The following CACNA1E variants were observed in gnomAD, a reference collection of about 807,000 sequenced individuals.
CACNA1E encodes calcium voltage-gated channel subunit alpha1 E.
CACNA1E carries 40 observed loss-of-function variants against 259.2 expected under a neutral mutation model. That is an observed-to-expected ratio of 0.15 (90% CI 0.12 to 0.20). CACNA1E has a LOEUF of 0.20. Among genes scored for constraint, CACNA1E ranks in the 10% least tolerant of loss-of-function variants. The pLI is 1.00. For missense variants in CACNA1E, 1,874 were observed against 3,040.1 expected (o/e 0.62, Z 9.02); for synonymous variants, 1,104 against 1,138.5 (o/e 0.97, Z 0.61).
At chr1:181,412,348 G>A (rs569178695) in intron 1 of CACNA1E, among the ~76,000 whole-genome samples, 1 of 152,312 alleles carries the variant, frequency 6.6e-6, no homozygotes, top group African/African-American at 2.4e-5. Flanking sequence ...GAGTGAGGAG[G>A]ATCGCTTGTG....
chr1:181,661,835 A>G (rs768658653), intron 7 of CACNA1E, among the ~76,000 whole-genome samples: 2 of 152,242 alleles, frequency 1.3e-5, no homozygotes, highest in Non-Finnish European at 2.9e-5. Context: ...AACAAAGCTC[A>G]TGAGCAGTAG....
At chr1:181,627,460 G>C (rs773010271) in intron 6 of CACNA1E, among the ~76,000 whole-genome samples, 2 of 152,194 alleles carry the variant, frequency 1.3e-5, no homozygotes, top group Non-Finnish European at 2.9e-5. Context: ...CCTTAGGAGT[G>C]GGGGGAGATA....
chr1:181,478,990 T>C (rs1663050617), upstream of CACNA1E, among the ~76,000 whole-genome samples: 1 of 152,254 alleles, frequency 6.6e-6, no homozygotes, highest in Non-Finnish European at 1.5e-5. Flanking sequence ...GGCTGCAGGA[T>C]AAATGCTTTG....
At chr1:181,581,320 C>G (rs1651519931) in intron 6 of CACNA1E, among the ~76,000 whole-genome samples, 2 of 152,190 alleles carry the variant, frequency 1.3e-5, no homozygotes, top group South Asian at 4.1e-4. Context: ...AGCTTCCTAT[C>G]TGATTCTCAT....
chr1:181,330,443 G>A (rs1346188908), intron 1 of CACNA1E, among the ~76,000 whole-genome samples: 4 of 152,208 alleles, frequency 2.6e-5, no homozygotes, highest in Non-Finnish European at 1.5e-5. Context: ...CTGGGCATAA[G>A]TGGAGGAGAG....
At chr1:181,355,616 CAAAACAAAACAAAA>C (rs1303839841) in intron 1 of CACNA1E, among the ~76,000 whole-genome samples, 2 of 151,754 alleles carry the variant, frequency 1.3e-5, no homozygotes, top group Admixed American at 6.6e-5. Flanking sequence ...CAAAACAAAA[CAAAACAAAACAAAA>C]CAAACCAGAC....
rs540670544 is a variant in CACNA1E, at chr1:181,623,928, C to G, written c.952-27410C>G. Among the ~76,000 whole-genome samples the G allele has an allele frequency of 3.9e-5, 6 of 152,188 alleles. No homozygotes were observed. In the South Asian group the frequency reaches 1.2e-3, roughly 32 times the overall value. On this transcript the variant is annotated intron_variant, in intron 6 of 47. Transcript: ENST00000367573. ...TGTTTTTCTTGCTATAAAAGAATAC[C>G]TGAGGCTGGATATTTTATAAAGAAA...
intron 2 of CACNA1E, among the ~76,000 whole-genome samples, chr1:181,450,583 G>A (rs577783116): frequency 1.3e-5 from 2 of 152,230 alleles, no homozygotes; most frequent in South Asian, 4.2e-4. Context: ...CCGAGATTAT[G>A]GGTGGTTTTT....
chr1:181,430,188 C>T (rs879670980), intron 2 of CACNA1E, among the ~76,000 whole-genome samples: 1 of 152,190 alleles, frequency 6.6e-6, no homozygotes, highest in Non-Finnish European at 1.5e-5. Flanking sequence ...CTTACCAATG[C>T]ACCACAATGT....
intron 2 of CACNA1E, among the ~76,000 whole-genome samples, chr1:181,431,908 C>T (rs1345197451): frequency 6.6e-6 from 1 of 152,164 alleles, no homozygotes; most frequent in Non-Finnish European, 1.5e-5. Flanking sequence ...TTATTTTTCT[C>T]ATTACAGCAA....
At chr1:181,674,037 C>T (rs760592441) in intron 7 of CACNA1E, among the ~76,000 whole-genome samples, 1 of 151,752 alleles carries the variant, frequency 6.6e-6, no homozygotes, top group Non-Finnish European at 1.5e-5. Flanking sequence ...GCTTTTATGA[C>T]CTAAGCAGTT....
chr1:181,522,197 C>G (rs1469026827), intron 3 of CACNA1E, among the ~76,000 whole-genome samples: 1 of 152,132 alleles, frequency 6.6e-6, no homozygotes, highest in Admixed American at 6.5e-5. Flanking sequence ...AACATCAGCC[C>G]TCAACTATAA....
chr1:181,720,464 C>A, intron 14 of CACNA1E, 127 bp downstream of exon 14: 2 of 984,002 alleles, frequency 2.0e-6, no homozygotes, highest in Non-Finnish European at 3.0e-6. Context: ...CCTGAATTAA[C>A]CACTGAGTGA....
At chr1:181,377,348 C>A (rs1255151941) in intron 1 of CACNA1E, among the ~76,000 whole-genome samples, 7 of 151,960 alleles carry the variant, frequency 4.6e-5, no homozygotes, top group African/African-American at 4.8e-5. Context: ...GAGCAAAGGC[C>A]AGAATAAGAA....
chr1:181,735,652 C>A (rs7418539), intron 21 of CACNA1E, among the ~76,000 whole-genome samples: 26,319 of 152,202 alleles, frequency 0.17, 2,450 homozygotes, highest in African/African-American at 0.25. Flanking sequence ...ATGAATATTG[C>A]ATTCTCATTT....
intron 1 of CACNA1E, among the ~76,000 whole-genome samples, chr1:181,505,832 T>C (rs1056343611): frequency 4.6e-5 from 7 of 152,192 alleles, no homozygotes; most frequent in Middle Eastern, 3.4e-3. Context: ...TACCTCTGGC[T>C]CTAGTTTCCC....
At chr1:181,680,362 G>A (rs917963417) in intron 7 of CACNA1E, among the ~76,000 whole-genome samples, 1 of 152,122 alleles carries the variant, frequency 6.6e-6, no homozygotes, top group Non-Finnish European at 1.5e-5. Flanking sequence ...TGATGCATGA[G>A]CCTCCAACCA....
In CACNA1E at chr1:181,777,648, G is replaced by A. The variant is rs184686822; in HGVS notation, c.5267+1420G>A. On this transcript the variant is annotated intron_variant, in intron 38 of 47. Transcript: ENST00000367573. The stretch of plus-strand genomic sequence containing the variant: ...AGCTCCATGGCCTTGGACAAGTCAC[G>A]TAACCACTCTGGGCTTCTTTACCTG... Among the ~76,000 whole-genome samples, 269 of 152,312 alleles carry A rather than the reference G, an allele frequency of 1.8e-3. 6 individuals are homozygous for A. The highest frequency in any genetic ancestry group is 7.5e-3 in the Admixed American group (115 of 15,296).
Position 181,783,766 on chromosome 1 carries a change from G to T in CACNA1E, c.5452G>T (p.Asp1818Tyr). 6.3e-7 allele frequency: 1 copy of T among 1,597,796 alleles called. No homozygotes were observed. The highest frequency in any genetic ancestry group is 8.5e-7 in the Non-Finnish European group (1 of 1,175,502). ...TATGGCTCTGATCCGGACAGCTCTG[G>T]ACATTAAAATTGCCAAAGGTAAGCT... ...TLMALIRTAL[D>Y]IKIAKGGADR... is the part of the protein sequence containing the mutation. The change falls in exon 40 of 48, where the codon GAC becomes TAC. Residue 1818 changes from aspartate to tyrosine, a missense_variant. Around this residue, in one of 14 missense-constraint regions of CACNA1E, gnomAD observed 147 missense variants for 337.1 expected, o/e 0.44. Transcript: ENST00000367573.
Sources: gnomAD v4.1 joint callset for allele counts (sites outside exome capture counted in the v4.1 genomes callset) on GRCh38, gnomAD v4.1.1 for gene constraint, gnomAD v4.1.1 regional missense constraint, MANE v1.5 for transcripts, NCBI Gene and HGNC (gene_info 2026-07-23, HGNC 2026-07-21) for gene names.